Variants in TCP11L2 observed in about 807,000 individuals in gnomAD.
TCP11L2 encodes T-complex protein 11-like protein 2.
Under a neutral mutation model 50.7 loss-of-function variants are expected in TCP11L2, and 39 were observed. The observed-to-expected ratio is 0.77, with a 90% CI of 0.60 to 1.01. The LOEUF is 1.01. TCP11L2 is among the 50% of genes least tolerant of loss of function. The pLI, the probability that TCP11L2 is intolerant of heterozygous loss-of-function variation, is 0.00. For missense variants in TCP11L2, 612 were observed against 614.7 expected (o/e 1.00, Z 0.05); for synonymous variants, 192 against 219.3 (o/e 0.88, Z 1.10).
intron 9 of TCP11L2, among the ~76,000 whole-genome samples, chr12:106,345,777 C>T (rs964652419): frequency 6.6e-6 from 1 of 152,150 alleles, no homozygotes; most frequent in South Asian, 2.1e-4. Flanking sequence ...TTTGGTCTTG[C>T]TGAACTCACT....
intron 9 of TCP11L2, among the ~76,000 whole-genome samples, chr12:106,341,320 T>C (rs1182882358): frequency 6.6e-6 from 1 of 152,178 alleles, no homozygotes; most frequent in African/African-American, 2.4e-5. Context: ...TGTTCACAGA[T>C]AGTAGATATG....
chr12:106,322,962 A>G (rs2077730), intron 5 of TCP11L2, among the ~76,000 whole-genome samples: 90,046 of 151,990 alleles, frequency 0.59, 26,910 homozygotes, highest in East Asian at 0.78. Flanking sequence ...TGCACTTTAC[A>G]ATTGTTATCT....
chr12:106,301,198 G>T (rs1480212530), upstream of TCP11L2, among the ~76,000 whole-genome samples: 1 of 152,160 alleles, frequency 6.6e-6, no homozygotes, highest in Admixed American at 6.5e-5. Flanking sequence ...GGTGGGGACA[G>T]CACCTTCTAT....
intron 2 of TCP11L2, among the ~76,000 whole-genome samples, chr12:106,312,734 T>C (rs1470225819): frequency 2.0e-5 from 3 of 152,028 alleles, no homozygotes; most frequent in Admixed American, 1.3e-4. Flanking sequence ...ATACAAAAAT[T>C]AGCTGAGCAT....
chr12:106,316,051 T>C (rs547655479), intron 3 of TCP11L2, among the ~76,000 whole-genome samples: 10 of 152,326 alleles, frequency 6.6e-5, no homozygotes, highest in African/African-American at 2.2e-4. Context: ...GTTCATTTAA[T>C]ATTAACATTT....
intron 7 of TCP11L2, 49 bp from the exon 8 acceptor site, chr12:106,335,983 T>A: frequency 6.6e-7 from 1 of 1,519,956 alleles, no homozygotes; most frequent in Non-Finnish European, 8.8e-7. Context: ...TGTATTTTCA[T>A]GCTATTGAGC....
chr12:106,313,322 C>A (rs1186929785), intron 2 of TCP11L2, among the ~76,000 whole-genome samples: 3 of 152,128 alleles, frequency 2.0e-5, no homozygotes, highest in Non-Finnish European at 4.4e-5. Flanking sequence ...CGGTGGCTTA[C>A]ACCTGTAATC....
At chr12:106,310,900 G>T (rs1372920000) in intron 1 of TCP11L2, 141 bp from the exon 2 acceptor site, 8 of 696,348 alleles carry the variant, frequency 1.1e-5, no homozygotes, top group Non-Finnish European at 4.7e-6. Flanking sequence ...CGGCCAAGGT[G>T]CTGGGGGAAG....
intron 6 of TCP11L2, chr12:106,329,769 T>C: frequency 1.0e-6 from 1 of 998,868 alleles, no homozygotes; most frequent in Non-Finnish European, 1.2e-6. Flanking sequence ...ATTGTAATTA[T>C]ATTCACGATG....
In TCP11L2 at chr12:106,334,354, T is replaced by C. The variant is rs976125799; in HGVS notation, c.773-1285T>C. 9.8e-5 allele frequency among the ~76,000 whole-genome samples: 15 copies of C among 152,334 alleles called. No individual in the cohort carries two copies. The East Asian group carries it at 1.5e-3, about 16-fold the overall frequency. On this transcript the variant is annotated intron_variant, in intron 6 of 9. Transcript: ENST00000299045. ...TTCAGAACCTCTCTAGCCTATATTC[T>C]GTATCTTGGTAGATGGCACAGGCAT... is the stretch of plus-strand genomic sequence containing the variant.
chr12:106,308,833 A>G (rs915415555), intron 1 of TCP11L2, among the ~76,000 whole-genome samples: 2 of 152,166 alleles, frequency 1.3e-5, no homozygotes, highest in African/African-American at 4.8e-5. Context: ...AGCTGTACCA[A>G]ATGAGATTCA....
In TCP11L2 at chr12:106,318,293, T is replaced by G. The variant is rs377582310; in HGVS notation, c.294-51T>G. The G allele has an allele frequency of 3.1e-4, 495 of 1,584,882 alleles. 2 individuals carry two copies. In the African/African-American group the frequency reaches 6.0e-3, roughly 19 times the overall value. ...TACAATGAGGATGTTTCTTTTATAA[T>G]CAGGAAAAAGTTATGCTTATTTTAA... is the stretch of plus-strand genomic sequence containing the variant. On this transcript the variant is annotated intron_variant, in intron 3 of 9. Coordinates refer to ENST00000299045, the MANE Select transcript of TCP11L2 (RefSeq NM_152772.3).
At chr12:106,311,373 C>A in intron 2 of TCP11L2, 141 bp downstream of exon 2, 1 of 941,878 alleles carries the variant, frequency 1.1e-6, no homozygotes, top group Non-Finnish European at 1.5e-6. Flanking sequence ...AGAGGCACTG[C>A]AGCTTTCCGG....
At chr12:106,344,165 GA>G (rs1007713666) in intron 9 of TCP11L2, among the ~76,000 whole-genome samples, 2 of 151,298 alleles carry the variant, frequency 1.3e-5, no homozygotes, top group African/African-American at 4.9e-5. Flanking sequence ...TATAAAAAAA[GA>G]AAAAAAATAC....
At chr12:106,342,057 G>A (rs1327966445) in intron 9 of TCP11L2, among the ~76,000 whole-genome samples, 1 of 152,182 alleles carries the variant, frequency 6.6e-6, no homozygotes, top group Non-Finnish European at 1.5e-5. Flanking sequence ...AAGCTGCCGT[G>A]TGGTACAAAG....
At chr12:106,337,330 C>T (rs1262355992) in intron 8 of TCP11L2, among the ~76,000 whole-genome samples, 1 of 152,154 alleles carries the variant, frequency 6.6e-6, no homozygotes, top group African/African-American at 2.4e-5. Flanking sequence ...TGAACTGAAG[C>T]TTACAGATAG....
At chr12:106,329,542 C>G in intron 6 of TCP11L2, 2 of 1,438,178 alleles carry the variant, frequency 1.4e-6, no homozygotes, top group South Asian at 1.5e-5. Flanking sequence ...ACACAGAGGC[C>G]TGAGCCCTGC....
chr12:106,315,446 T>C (rs1592939772), intron 3 of TCP11L2, among the ~76,000 whole-genome samples: 1 of 152,340 alleles, frequency 6.6e-6, no homozygotes, highest in African/African-American at 2.4e-5. Flanking sequence ...ATGTTTGATG[T>C]CCATCTTCCC....
intron 1 of TCP11L2, among the ~76,000 whole-genome samples, chr12:106,309,318 G>C (rs577490878): frequency 1.0e-3 from 153 of 152,232 alleles, no homozygotes; most frequent in Non-Finnish European, 1.9e-3. Context: ...GGATGCAAGG[G>C]CTCAAGAATC....
Sources: allele counts gnomAD v4.1 joint callset (sites outside exome capture counted in the v4.1 genomes callset), GRCh38; gene constraint gnomAD v4.1.1; transcripts MANE v1.5; gene names NCBI Gene and HGNC (gene_info 2026-07-23, HGNC 2026-07-21).